ZBTB5: variants seen among roughly 807,000 people sequenced by gnomAD.
ZBTB5 encodes the protein zinc finger and BTB domain-containing protein 5.
Under a neutral mutation model 37.9 loss-of-function variants are expected in ZBTB5, and 15 were observed. That is an observed-to-expected ratio of 0.40 (90% confidence interval 0.26 to 0.61). The LOEUF is 0.61. Ranked by LOEUF, ZBTB5 falls within the 20% of genes least tolerant of loss-of-function variation. ZBTB5 has a pLI of 0.47. For missense variants in ZBTB5, 708 were observed against 856.8 expected, an observed-to-expected ratio of 0.83 and a Z score of 2.17; for synonymous variants, 315 against 312.4, an observed-to-expected ratio of 1.01 and a Z score of -0.09.
At position 37,459,441 on chromosome 9, in the gene ZBTB5, C is replaced by T. The variant is rs188241135; in HGVS notation, c.-5+5774G>A. Among the ~76,000 whole-genome samples the T allele has an allele frequency of 4.0e-4, 60 of 148,516 alleles. 1 individual carries two copies. The East Asian group carries it at 0.011, about 28-fold the overall frequency. ...CACCACTGTACTCCAGTCTGGGCAA[C>T]AAGAGCAAAACTCTATCTCAAAAAA... On this transcript the variant is annotated intron_variant, in intron 1 of 1. Coordinates refer to ENST00000307750, the MANE Select transcript of ZBTB5 (RefSeq NM_014872.3).
At position 37,441,131 on chromosome 9, in the gene ZBTB5, G is replaced by C; in HGVS notation, c.1421C>G (p.Ala474Gly). ...CATAGGCCTGACGAAGTGGGAGTCT[G>C]CAGGTTCACTAAATGGGTTCTCTAC... ...SHVENPFSEP[A>G]DSHFVRPMQE... The change falls in exon 2 of 2, where the codon GCA becomes GGA. Residue 474 changes from alanine to glycine, a missense_variant. By Grantham distance (60) the Ala-to-Gly change is moderately conservative. Coordinates refer to ENST00000307750, the MANE Select transcript of ZBTB5 (RefSeq NM_014872.3). 1 of 1,614,042 alleles carries C rather than the reference G, an allele frequency of 6.2e-7. No individual in the cohort carries two copies. Among genetic ancestry groups the C allele is most frequent in the Admixed American group, 1.7e-5 (1 of 59,994 alleles).
chr9:37,454,379 A>G (rs1824152103), intron 1 of ZBTB5, among the ~76,000 whole-genome samples: 1 of 152,172 alleles, frequency 6.6e-6, no homozygotes, highest in African/African-American at 2.4e-5. Flanking sequence ...CCAAGGAAAA[A>G]GGCTTCAGGT....
intron 1 of ZBTB5, among the ~76,000 whole-genome samples, chr9:37,451,323 T>C (rs754692744): frequency 3.9e-5 from 6 of 152,100 alleles, no homozygotes; most frequent in Admixed American, 2.6e-4. Flanking sequence ...TCCCAGCATT[T>C]TGGGAGGCCG....
rs191525510 is a variant in ZBTB5, at chr9:37,438,663, C to T, written c.*1855G>A. 2.4e-3 allele frequency: 362 copies of T among 152,434 alleles called. 2 individuals carry two copies. Among genetic ancestry groups the T allele is most frequent in the Non-Finnish European group, 4.1e-3 (280 of 68,102 alleles). The allele number at this position is 152,434 out of a possible 1,614,324, so 9.4% of individuals were successfully genotyped here. ...TCCAGGCAGGGCCTCTCATTTTCTC[C>T]AGGCTAACCCACTGTGTCCCAAGGT... On this transcript the variant is annotated 3_prime_UTR_variant, in exon 2 of 2. Coordinates refer to ENST00000307750, the MANE Select transcript of ZBTB5 (RefSeq NM_014872.3).
In ZBTB5 at chr9:37,439,711, CTT is replaced by C. The variant is rs1248888219; in HGVS notation, c.*805_*806del. On this transcript the variant is annotated 3_prime_UTR_variant, in exon 2 of 2. Coordinates refer to ENST00000307750, the MANE Select transcript of ZBTB5 (RefSeq NM_014872.3). ...CAGCAGAACAAAGACAAACACAAGT[CTT>C]TTCTGACTTCCTAACATGGAACTGT... 1 of 152,200 alleles carries C rather than the reference CTT, an allele frequency of 6.6e-6. No homozygotes were observed. The highest frequency in any genetic ancestry group is 2.4e-5 in the African/African-American group (1 of 41,442). The allele number at this position is 152,200 out of a possible 1,614,324, so 9.4% of individuals were successfully genotyped here.
In ZBTB5 at chr9:37,441,976, CTT is replaced by C. The variant is rs759079183; in HGVS notation, c.574_575del (p.Lys192AlafsTer19). The C allele has an allele frequency of 5.0e-6, 8 of 1,613,784 alleles. No homozygotes were observed. The Admixed American group carries it at 1.3e-4, about 27-fold the overall frequency. Reference sequence around the variant, plus strand: ...CCCGCTCCTCTGCAGACTGCTTGCGCTTATGAAGGCGTCTCATGGGGAAGGGC... The same window carrying C: ...CCCGCTCCTCTGCAGACTGCTTGCGCATGAAGGCGTCTCATGGGGAAGGGC... ...RTPFPMRRLH[K>X]RKQSAEERAR... On this transcript the variant is annotated frameshift_variant, in exon 2 of 2. Coordinates refer to ENST00000307750, the MANE Select transcript of ZBTB5 (RefSeq NM_014872.3). LOFTEE classifies it high-confidence loss of function.
At position 37,460,727 on chromosome 9, in the gene ZBTB5, C is replaced by T. The variant is rs145864768; in HGVS notation, c.-5+4488G>A. On this transcript the variant is annotated intron_variant, in intron 1 of 1. Transcript: ENST00000307750. ...ACAAAAAATACAAAAATTAGCTGGG[C>T]GTGGTGGTGCATGCCTGTAGTCCCA... Among the ~76,000 whole-genome samples the T allele has an allele frequency of 4.0e-3, 602 of 151,738 alleles. 3 individuals carry two copies. The highest frequency in any genetic ancestry group is 0.012 in the African/African-American group (490 of 41,382).
intron 1 of ZBTB5, among the ~76,000 whole-genome samples, chr9:37,457,562 G>A (rs1379388897): frequency 6.6e-6 from 1 of 152,240 alleles, no homozygotes; most frequent in Non-Finnish European, 1.5e-5. Context: ...ACTTGTTCAA[G>A]GTTAAGCGCT....
At chr9:37,448,119 TA>T (rs572551820) in intron 1 of ZBTB5, among the ~76,000 whole-genome samples, 24 of 152,226 alleles carry the variant, frequency 1.6e-4, no homozygotes, top group African/African-American at 5.8e-4. Flanking sequence ...CCAACAAAGA[TA>T]AAAGGTTTAA....
At chr9:37,449,107 G>A (rs375136641) in intron 1 of ZBTB5, among the ~76,000 whole-genome samples, 30 of 152,048 alleles carry the variant, frequency 2.0e-4, no homozygotes, top group South Asian at 4.2e-4. Context: ...CAACTGGGCC[G>A]GGCACGGTGG....
In ZBTB5 at chr9:37,442,399, G is replaced by C. The variant is rs2118933971; in HGVS notation, c.153C>G (p.Ala51=). 6.2e-7 allele frequency: 1 copy of C among 1,614,040 alleles called. No homozygotes were observed. Among genetic ancestry groups the C allele is most frequent in the East Asian group, 2.2e-5 (1 of 44,876 alleles). The part of the protein sequence containing the change: ...VLAACSTHFR[A]LFSVAEGDQT... ...GATCTCCTTCTGCCACTGAGAACAG[G>C]GCTCGGAAATGCGTGCTGCATGCTG... is the stretch of plus-strand genomic sequence containing the variant. Residue 51 remains alanine, a synonymous_variant, in exon 2 of 2, where the codon GCC becomes GCG. Coordinates refer to ENST00000307750, the MANE Select transcript of ZBTB5 (RefSeq NM_014872.3).
chr9:37,445,051 A>T (rs1001877621), intron 1 of ZBTB5, among the ~76,000 whole-genome samples: 2 of 150,522 alleles, frequency 1.3e-5, no homozygotes, highest in African/African-American at 5.0e-5. Context: ...ATAGGTCATT[A>T]AAAAAAACAA....
chr9:37,459,560 T>A (rs1401535598), intron 1 of ZBTB5, among the ~76,000 whole-genome samples: 1 of 151,722 alleles, frequency 6.6e-6, no homozygotes, highest in Middle Eastern at 3.2e-3. Flanking sequence ...CAAGAAACTT[T>A]TTTTTTTTTT....
At chr9:37,455,083 C>T (rs924604443) in intron 1 of ZBTB5, among the ~76,000 whole-genome samples, 5 of 152,172 alleles carry the variant, frequency 3.3e-5, no homozygotes, top group Admixed American at 6.5e-5. Context: ...CCTGTTTTTG[C>T]ACCCAAATGT....
Position 37,459,780 on chromosome 9 carries a change from G to A in ZBTB5, c.-5+5435C>T, listed in dbSNP as rs151177964. Among the ~76,000 whole-genome samples, 738 of 149,472 alleles carry A rather than the reference G, an allele frequency of 4.9e-3. 3 individuals are homozygous for A. The highest frequency in any genetic ancestry group is 0.017 in the African/African-American group (700 of 40,534). ...GGCTGGAGTGCAGTGGTGCGATCTC[G>A]GCTCACTGCAAGCTCTGCCTCCCGG... On this transcript the variant is annotated intron_variant, in intron 1 of 1. Transcript: ENST00000307750.
intron 1 of ZBTB5, among the ~76,000 whole-genome samples, chr9:37,445,688 G>A (rs1480622092): frequency 6.6e-6 from 1 of 151,966 alleles, no homozygotes; most frequent in African/African-American, 2.4e-5. Context: ...AATAGTGGAA[G>A]AAACAGCTGA....
rs760291306 is a variant in ZBTB5 at position 37,442,503 on chromosome 9, G to C, written c.49C>G (p.Gln17Glu). The C allele has an allele frequency of 6.2e-7, 1 of 1,609,772 alleles. No homozygotes were observed. The highest frequency in any genetic ancestry group is 8.5e-7 in the Non-Finnish European group (1 of 1,176,630). ...TCACAGAGCTGGCCATGAAGTCTCTGGTAGTTCAGCTGCTGGAAGATTTGT... is the reference window on the plus strand; with the variant it reads ...TCACAGAGCTGGCCATGAAGTCTCTCGTAGTTCAGCTGCTGGAAGATTTGT... ...FEQIFQQLNYQRLHGQLCDCV... is the reference protein window; with the variant it reads ...FEQIFQQLNYERLHGQLCDCV... The change falls in exon 2 of 2, where the codon CAG (glutamine) becomes GAG (glutamate). Residue 17 changes from glutamine (Q) to glutamate (E), a missense_variant. Physicochemically the swap from Gln to Glu is conservative, Grantham distance 29 (BLOSUM62 2). Transcript: ENST00000307750.
intron 1 of ZBTB5, among the ~76,000 whole-genome samples, chr9:37,456,380 C>G (rs990290230): frequency 3.9e-5 from 6 of 152,226 alleles, no homozygotes; most frequent in Non-Finnish European, 8.8e-5. Context: ...CACAATGATG[C>G]CTGGGTTAAC....
Position 37,440,381 on chromosome 9 carries a change from G to C in ZBTB5, c.*137C>G, listed in dbSNP as rs1336805585. The C allele has an allele frequency of 4.4e-6, 3 of 676,518 alleles. No homozygotes were observed. The highest frequency in any genetic ancestry group is 7.4e-6 in the Non-Finnish European group (3 of 404,934). The allele number at this position is 676,518 out of a possible 1,614,324, so 41.9% of individuals were successfully genotyped here. A position where few individuals can be genotyped will look rare whatever the true frequency, so the allele number is the denominator to read the frequency against. ...GCAGCAGCACAAATACTACATGTTA[G>C]TTCTCCGGTTATTAGTTGCTAAACT... On this transcript the variant is annotated 3_prime_UTR_variant, in exon 2 of 2. Transcript: ENST00000307750.
Sources: allele counts gnomAD v4.1 joint callset (sites outside exome capture counted in the v4.1 genomes callset), GRCh38; gene constraint gnomAD v4.1.1; transcripts MANE v1.5; gene names NCBI Gene and HGNC (gene_info 2026-07-23, HGNC 2026-07-21).